RERE: variants seen among roughly 807,000 people sequenced by gnomAD.
RERE encodes arginine-glutamic acid dipeptide repeats, also known as arginine-glutamic acid dipeptide repeats protein.
A neutral mutation model predicts 146.1 loss-of-function variants in RERE; 40 were observed. That is an observed-to-expected ratio of 0.27 (90% CI 0.21 to 0.36). The LOEUF (loss-of-function observed/expected upper bound fraction) is 0.36. RERE is among the 10% of genes least tolerant of loss of function. The pLI is 1.00. For missense variants in RERE, 1,933 were observed against 2,138.7 expected, an observed-to-expected ratio of 0.90 and a Z score of 1.90; for synonymous variants, 1,003 against 866.0, an observed-to-expected ratio of 1.16 and a Z score of -2.78.
intron 1 of RERE, among the ~76,000 whole-genome samples, chr1:8,657,337 A>G (rs1189793598): frequency 6.6e-6 from 1 of 151,872 alleles, no homozygotes; most frequent in Non-Finnish European, 1.5e-5. Context: ...AAGAAAAGAA[A>G]AAAAAGTCTC....
At chr1:8,509,434 ATCCG>A (rs753386503) in intron 7 of RERE, among the ~76,000 whole-genome samples, 51,613 of 115,412 alleles carry the variant, frequency 0.45, 9,319 homozygotes, top group Non-Finnish European at 0.5. Context: ...CCATCCATCC[ATCCG>A]TCCGTCCGTC....
intron 1 of RERE, among the ~76,000 whole-genome samples, chr1:8,801,276 T>C (rs1641587521): frequency 1.3e-5 from 2 of 150,294 alleles, no homozygotes; most frequent in South Asian, 2.1e-4. Context: ...AATTGTTCTT[T>C]TTTTTTTTTT....
chr1:8,791,601 G>T (rs1641364574), intron 1 of RERE, among the ~76,000 whole-genome samples: 1 of 152,182 alleles, frequency 6.6e-6, no homozygotes. Flanking sequence ...TGAAATTACA[G>T]ATCATTTCTA....
chr1:8,813,766 C>T (rs1204149384), intron 1 of RERE, among the ~76,000 whole-genome samples: 1 of 151,994 alleles, frequency 6.6e-6, no homozygotes, highest in Non-Finnish European at 1.5e-5. Flanking sequence ...AGCCACGCGC[C>T]AAAGTGCCAG....
intron 1 of RERE, among the ~76,000 whole-genome samples, chr1:8,804,308 A>C (rs1472685756): frequency 6.6e-6 from 1 of 152,222 alleles, no homozygotes; most frequent in African/African-American, 2.4e-5. Flanking sequence ...CCATCGTTAG[A>C]TCAAGACAAA....
At chr1:8,667,566 A>T (rs754412917) in intron 1 of RERE, among the ~76,000 whole-genome samples, 74 of 152,294 alleles carry the variant, frequency 4.9e-4, no homozygotes, top group Non-Finnish European at 8.5e-4. Context: ...AATTCCAGCT[A>T]CTTGGGAGGC....
chr1:8,420,150 G>T (rs1643886614), intron 12 of RERE, among the ~76,000 whole-genome samples: 1 of 152,188 alleles, frequency 6.6e-6, no homozygotes, highest in African/African-American at 2.4e-5. Context: ...ACAAAGAAAT[G>T]AGTTAATAAT....
intron 6 of RERE, among the ~76,000 whole-genome samples, chr1:8,542,629 C>T (rs1645812725): frequency 6.6e-6 from 1 of 152,166 alleles, no homozygotes; most frequent in South Asian, 2.1e-4. Context: ...TCAAGAAAAA[C>T]TTGGGCAACA....
rs1345985383 is a variant in RERE at position 8,358,520 on chromosome 1, G to A, written c.4015C>T (p.Pro1339Ser). ...AAGTGCTCCATGGGGTTGGCGGCTG[G>A]GTGCAGGGGGTCCAGCTCTGGGGGC... is the stretch of plus-strand genomic sequence containing the variant. ...VKPPELDPLHPAANPMEHFAR... is the reference protein window; with the variant it reads ...VKPPELDPLHSAANPMEHFAR... The change falls in exon 20 of 23, where the codon CCA becomes TCA. Residue 1339 changes from proline to serine, a missense_variant. Coordinates refer to ENST00000400908, the MANE Select transcript of RERE (RefSeq NM_001042681.2). 2 of 1,595,312 alleles carry A rather than the reference G, an allele frequency of 1.3e-6. No individual in the cohort carries two copies. Among genetic ancestry groups the A allele is most frequent in the African/African-American group, 1.3e-5 (1 of 74,574 alleles).
At chr1:8,638,207 A>G (rs1220938486) in intron 2 of RERE, among the ~76,000 whole-genome samples, 4 of 152,234 alleles carry the variant, frequency 2.6e-5, no homozygotes, top group Non-Finnish European at 4.4e-5. Flanking sequence ...AACAGGATTT[A>G]CTAGAGGTCA....
At chr1:8,783,681 C>G (rs1321751743) in intron 1 of RERE, among the ~76,000 whole-genome samples, 1 of 152,106 alleles carries the variant, frequency 6.6e-6, no homozygotes, top group African/African-American at 2.4e-5. Flanking sequence ...AGAGAAAATG[C>G]AAATCACATC....
Position 8,497,533 on chromosome 1 carries a change from T to C in RERE, c.880-4A>G, listed in dbSNP as rs1481950600. On this transcript the variant is annotated splice_polypyrimidine_tract_variant and splice_region_variant and intron_variant, in intron 8 of 22. Coordinates refer to ENST00000400908, the MANE Select transcript of RERE (RefSeq NM_001042681.2). ...GTTGCAGATCTGGAAGTTTGGCCTG[T>C]AAGACAGGGATGAGTAAGTCACAAT... The C allele has an allele frequency of 5.6e-6, 9 of 1,613,942 alleles. No homozygotes were observed. The highest frequency in any genetic ancestry group is 7.6e-6 in the Non-Finnish European group (9 of 1,179,946).
At chr1:8,568,647 A>AG (rs1302785932) in intron 4 of RERE, among the ~76,000 whole-genome samples, 2 of 152,196 alleles carry the variant, frequency 1.3e-5, no homozygotes, top group African/African-American at 2.4e-5. Flanking sequence ...CCCTCCCCAG[A>AG]GGCCAACCAG....
chr1:8,426,718 G>T (rs543059978), intron 11 of RERE, among the ~76,000 whole-genome samples: 10 of 152,246 alleles, frequency 6.6e-5, no homozygotes, highest in African/African-American at 2.4e-4. Flanking sequence ...CTGAATTCAA[G>T]GCCCTCCAGG....
chr1:8,805,593 G>A (rs1221416884), intron 1 of RERE, among the ~76,000 whole-genome samples: 1 of 150,418 alleles, frequency 6.6e-6, no homozygotes, highest in African/African-American at 2.4e-5. Context: ...AGGTTGCAGT[G>A]AGCAGAGATT....
chr1:8,520,908 A>G (rs75731362), intron 7 of RERE, among the ~76,000 whole-genome samples: 2 of 150,876 alleles, frequency 1.3e-5, no homozygotes, highest in African/African-American at 4.9e-5. Context: ...GCACCCCCAG[A>G]AAAAAAAAGG....
intron 1 of RERE, among the ~76,000 whole-genome samples, chr1:8,690,536 G>C (rs556714127): frequency 6.6e-6 from 1 of 152,314 alleles, no homozygotes; most frequent in African/African-American, 2.4e-5. Flanking sequence ...TAGTTTGAAA[G>C]GATGGCTTTA....
At position 8,482,635 on chromosome 1, in the gene RERE, T is replaced by C. The variant is rs976325256; in HGVS notation, c.1104+12428A>G. On this transcript the variant is annotated intron_variant, in intron 10 of 22. Coordinates refer to ENST00000400908, the MANE Select transcript of RERE (RefSeq NM_001042681.2). ...AGTTGGAGCTTGCAGTGAGCCAAGA[T>C]GGTGGCACTGCACTCGAGCCTGGGC... Among the ~76,000 whole-genome samples the C allele has an allele frequency of 4.0e-5, 5 of 126,166 alleles. No homozygotes were observed. In the South Asian group the frequency reaches 1.3e-3, roughly 32 times the overall value. 82.8% of individuals were successfully genotyped at this position (126,166 alleles called of 152,430 possible).
intron 12 of RERE, among the ~76,000 whole-genome samples, chr1:8,384,084 C>T (rs1268503583): frequency 1.3e-5 from 2 of 152,124 alleles, no homozygotes; most frequent in Non-Finnish European, 2.9e-5. Flanking sequence ...GTTTCTGATG[C>T]TGAGAAGAGC....
Sources: gnomAD v4.1 joint callset for allele counts (sites outside exome capture counted in the v4.1 genomes callset) on GRCh38, gnomAD v4.1.1 for gene constraint, MANE v1.5 for transcripts, NCBI Gene and HGNC (gene_info 2026-07-23, HGNC 2026-07-21) for gene names.